KLHL1: variants seen among roughly 807,000 people sequenced by gnomAD.
KLHL1 encodes the protein kelch-like protein 1.
Under a neutral mutation model 77.7 loss-of-function variants are expected in KLHL1, and 47 were observed. The ratio of observed to expected loss-of-function variants is 0.60; its 90% CI spans 0.48 to 0.77. The LOEUF (loss-of-function observed/expected upper bound fraction) is 0.77, where lower values mean the gene tolerates loss of function less well. Ranked by LOEUF, KLHL1 falls within the 30% of genes least tolerant of loss-of-function variation. The pLI, the probability that KLHL1 is intolerant of heterozygous loss-of-function variation, is 0.00. For synonymous variants in KLHL1, 360 were observed against 325.2 expected (o/e 1.11, Z -1.15); for missense variants, 925 against 910.8 (o/e 1.02, Z -0.20).
At chr13:69,895,213 AC>A in intron 4 of KLHL1, 1 of 512,328 alleles carries the variant, frequency 2.0e-6, no homozygotes, top group South Asian at 1.4e-5. Context: ...GTGAGGTGTT[AC>A]CAGTTGCAGT....
intron 5 of KLHL1, among the ~76,000 whole-genome samples, chr13:69,881,875 G>A (rs1353098834): frequency 6.6e-6 from 1 of 152,050 alleles, no homozygotes; most frequent in Non-Finnish European, 1.5e-5. Context: ...CACAATATAT[G>A]CATTTACATC....
rs950883418 is a variant in KLHL1 at position 69,766,470 on chromosome 13, T to A, written c.1640-25914A>T. On this transcript the variant is annotated intron_variant, in intron 7 of 10. Transcript: ENST00000377844. ...AAGTTTATTTTATGTCACCTAATTTTTATATATATATACATATATATATAT... is the reference window on the plus strand; with the variant it reads ...AAGTTTATTTTATGTCACCTAATTTATATATATATATACATATATATATAT... 5.3e-5 allele frequency among the ~76,000 whole-genome samples: 8 copies of A among 149,762 alleles called. No individual in the cohort carries two copies. The South Asian group carries it at 6.3e-4, about 12-fold the overall frequency.
intron 5 of KLHL1, among the ~76,000 whole-genome samples, chr13:69,858,043 G>GC (rs1879988895): frequency 6.6e-6 from 1 of 152,032 alleles, no homozygotes; most frequent in Non-Finnish European, 1.5e-5. Context: ...AGATACATCA[G>GC]CAGAAGCAGA....
chr13:70,065,488 G>A (rs947818411), intron 1 of KLHL1, among the ~76,000 whole-genome samples: 3 of 152,146 alleles, frequency 2.0e-5, no homozygotes, highest in Non-Finnish European at 2.9e-5. Flanking sequence ...TGAATAAAGA[G>A]GTGTTTACCT....
At chr13:69,982,591 A>G (rs995734266) in intron 1 of KLHL1, among the ~76,000 whole-genome samples, 1 of 151,436 alleles carries the variant, frequency 6.6e-6, no homozygotes, top group Non-Finnish European at 1.5e-5. Flanking sequence ...CAACCAGAAA[A>G]CAATAAGCAA....
At chr13:69,716,720 T>C (rs575039347) in intron 9 of KLHL1, among the ~76,000 whole-genome samples, 1 of 152,302 alleles carries the variant, frequency 6.6e-6, no homozygotes, top group Non-Finnish European at 1.5e-5. Flanking sequence ...GTTGCCTAGA[T>C]TCCAATTTTG....
chr13:69,964,493 T>C (rs1884156470), intron 2 of KLHL1, among the ~76,000 whole-genome samples: 2 of 152,122 alleles, frequency 1.3e-5, no homozygotes, highest in Non-Finnish European at 2.9e-5. Flanking sequence ...TCAGCATATG[T>C]TTTTCTGAGC....
At chr13:69,801,969 C>T (rs1013990359) in intron 6 of KLHL1, among the ~76,000 whole-genome samples, 7 of 152,038 alleles carry the variant, frequency 4.6e-5, no homozygotes, top group African/African-American at 1.4e-4. Flanking sequence ...CTTATCAACC[C>T]GTCATCTAGG....
At chr13:69,837,660 GTGTGTGTGTGTATA>G (rs1566309102) in intron 6 of KLHL1, among the ~76,000 whole-genome samples, 95 of 127,242 alleles carry the variant, frequency 7.5e-4, no homozygotes, top group African/African-American at 3.2e-3. Flanking sequence ...ATATATATGT[GTGTGTGTGTGTATA>G]TATATATATA....
At chr13:69,758,501 A>G (rs997615055) in intron 7 of KLHL1, among the ~76,000 whole-genome samples, 1 of 152,106 alleles carries the variant, frequency 6.6e-6, no homozygotes, top group Non-Finnish European at 1.5e-5. Flanking sequence ...TTACACAAAA[A>G]TCACATCTTC....
intron 1 of KLHL1, among the ~76,000 whole-genome samples, chr13:69,990,404 G>T (rs1455663577): frequency 1.3e-5 from 2 of 151,984 alleles, no homozygotes; most frequent in East Asian, 1.9e-4. Context: ...AGAGCCAGGG[G>T]TATGGTGTCT....
chr13:69,958,593 CATAAA>C (rs1883965084), intron 3 of KLHL1, among the ~76,000 whole-genome samples: 1 of 151,670 alleles, frequency 6.6e-6, no homozygotes, highest in Non-Finnish European at 1.5e-5. Context: ...TTTCAGAGTT[CATAAA>C]ATGTTATATG....
intron 6 of KLHL1, among the ~76,000 whole-genome samples, chr13:69,813,366 C>T (rs1877974467): frequency 6.6e-6 from 1 of 151,664 alleles, no homozygotes; most frequent in African/African-American, 2.4e-5. Context: ...GGAGATACAC[C>T]TAATGTAAAT....
intron 5 of KLHL1, among the ~76,000 whole-genome samples, chr13:69,855,641 C>T (rs1001409289): frequency 6.6e-6 from 1 of 151,504 alleles, no homozygotes; most frequent in Non-Finnish European, 1.5e-5. Flanking sequence ...CAGCAATTTT[C>T]CTTCCTGCCG....
intron 4 of KLHL1, among the ~76,000 whole-genome samples, chr13:69,931,071 G>C (rs1882990685): frequency 6.7e-6 from 1 of 148,652 alleles, no homozygotes. Context: ...CGTCAAATTA[G>C]AAACACTACT....
chr13:69,972,614 C>T (rs1468115430), intron 2 of KLHL1, among the ~76,000 whole-genome samples: 1 of 151,796 alleles, frequency 6.6e-6, no homozygotes, highest in African/African-American at 2.4e-5. Flanking sequence ...TGGCGTATAT[C>T]CTTCAACACT....
chr13:70,102,649 A>G (rs1213899393), intron 1 of KLHL1, among the ~76,000 whole-genome samples: 1 of 152,198 alleles, frequency 6.6e-6, no homozygotes, highest in Admixed American at 6.5e-5. Flanking sequence ...GTTAAAGTCC[A>G]GCCTTATTAA....
chr13:69,901,684 T>C (rs2138227205), intron 4 of KLHL1, among the ~76,000 whole-genome samples: 1 of 152,256 alleles, frequency 6.6e-6, no homozygotes, highest in Non-Finnish European at 1.5e-5. Context: ...ATTTGCAATG[T>C]GGTTGCAAAA....
chr13:70,096,541 T>C (rs769463651), intron 1 of KLHL1, among the ~76,000 whole-genome samples: 4 of 152,042 alleles, frequency 2.6e-5, no homozygotes, highest in Non-Finnish European at 5.9e-5. Context: ...TTAGATTAAT[T>C]TGATTATTAA....
Sources: allele counts gnomAD v4.1 joint callset (sites outside exome capture counted in the v4.1 genomes callset), GRCh38; gene constraint gnomAD v4.1.1; transcripts MANE v1.5; gene names NCBI Gene and HGNC (gene_info 2026-07-23, HGNC 2026-07-21).